ATF7IP: variants seen among roughly 807,000 people sequenced by gnomAD.
ATF7IP encodes activating transcription factor 7 interacting protein.
Under a neutral mutation model 106.4 loss-of-function variants are expected in ATF7IP, and 23 were observed. The ratio of observed to expected loss-of-function variants is 0.22; its 90% CI spans 0.16 to 0.31. ATF7IP has a LOEUF of 0.31. ATF7IP is among the 10% of genes least tolerant of loss of function. The probability of loss-of-function intolerance (pLI) is 1.00; values close to 1 mark genes in which losing one functional copy is unlikely to be tolerated. For missense variants in ATF7IP, 1,334 were observed against 1,524.3 expected (o/e 0.88, Z 2.08); for synonymous variants, 542 against 539.0 (o/e 1.01, Z -0.08).
intron 9 of ATF7IP, among the ~76,000 whole-genome samples, chr12:14,464,823 T>C (rs1365849436): frequency 6.6e-6 from 1 of 152,230 alleles, no homozygotes; most frequent in Non-Finnish European, 1.5e-5. Flanking sequence ...GAGAGAATCA[T>C]GCTGGGTAAC....
At chr12:14,475,457 AT>A (rs1399059085) in intron 10 of ATF7IP, among the ~76,000 whole-genome samples, 1 of 152,236 alleles carries the variant, frequency 6.6e-6, no homozygotes, top group Non-Finnish European at 1.5e-5. Flanking sequence ...ATTTCATAGT[AT>A]ACCATACCAT....
chr12:14,477,053 T>C (rs1025247462), intron 11 of ATF7IP, among the ~76,000 whole-genome samples: 26 of 152,306 alleles, frequency 1.7e-4, no homozygotes, highest in African/African-American at 6.0e-4. Flanking sequence ...TTTCTCAAAC[T>C]TACTTGGCTG....
Position 14,447,062 on chromosome 12 carries a change from T to G in ATF7IP, c.1995+9T>G. 6.3e-7 allele frequency: 1 copy of G among 1,587,692 alleles called. No individual in the cohort carries two copies. On this transcript the variant is annotated intron_variant, in intron 6 of 14. Transcript: ENST00000261168. ...TTAAGAAAAGACATGAAGTAAAATT[T>G]TTCTATTCTTGCATAATTAATATTT... is the stretch of plus-strand genomic sequence containing the variant.
intron 1 of ATF7IP, chr12:14,395,020 A>G (rs755452838): frequency 6.6e-6 from 1 of 151,756 alleles, no homozygotes; most frequent in Non-Finnish European, 1.5e-5. Flanking sequence ...AATGGGATGT[A>G]TGCTGCACAA....
At chr12:14,420,017 AT>A (rs1941411235) in intron 1 of ATF7IP, 1 of 152,180 alleles carries the variant, frequency 6.6e-6, no homozygotes, top group African/African-American at 2.4e-5. Flanking sequence ...TAGGCTTATT[AT>A]TTTATGCGCT....
At chr12:14,473,499 C>T (rs1944139080) in intron 10 of ATF7IP, among the ~76,000 whole-genome samples, 1 of 151,926 alleles carries the variant, frequency 6.6e-6, no homozygotes, top group Admixed American at 6.6e-5. Flanking sequence ...TGTTTTTAAT[C>T]TTCATGTTGT....
intron 13 of ATF7IP, among the ~76,000 whole-genome samples, chr12:14,489,457 A>T (rs1944734821): frequency 2.0e-5 from 3 of 152,114 alleles, no homozygotes. Context: ...AGCAGAACGT[A>T]ATGTCGCAGG....
chr12:14,407,401 A>G (rs774285005), intron 1 of ATF7IP, among the ~76,000 whole-genome samples: 1 of 150,180 alleles, frequency 6.7e-6, no homozygotes, highest in African/African-American at 2.5e-5. Context: ...TTATTTATCT[A>G]TTTATTTTTT....
At chr12:14,486,728 G>T (rs1261344843) in intron 13 of ATF7IP, among the ~76,000 whole-genome samples, 1 of 152,082 alleles carries the variant, frequency 6.6e-6, no homozygotes, top group Non-Finnish European at 1.5e-5. Context: ...CGGTAGCTAC[G>T]CCCACCTTGC....
At chr12:14,406,324 C>T (rs541018452) in intron 1 of ATF7IP, among the ~76,000 whole-genome samples, 1 of 151,992 alleles carries the variant, frequency 6.6e-6, no homozygotes, top group African/African-American at 2.4e-5. Context: ...GTGTCGAACT[C>T]CCAGCCTCAT....
At chr12:14,416,053 CTATT>C (rs1156553419) in intron 1 of ATF7IP, among the ~76,000 whole-genome samples, 1 of 152,044 alleles carries the variant, frequency 6.6e-6, no homozygotes, top group Non-Finnish European at 1.5e-5. Context: ...ATTCAGTAGT[CTATT>C]TAATGGGCAG....
At chr12:14,433,482 C>T (rs1275111377) in intron 2 of ATF7IP, among the ~76,000 whole-genome samples, 2 of 151,784 alleles carry the variant, frequency 1.3e-5, no homozygotes, top group African/African-American at 2.4e-5. Context: ...ACTAGCCTGG[C>T]GACAGAGTGA....
intron 6 of ATF7IP, among the ~76,000 whole-genome samples, chr12:14,455,947 G>A (rs1354466127): frequency 6.6e-6 from 1 of 152,056 alleles, no homozygotes; most frequent in African/African-American, 2.4e-5. Context: ...AATAATGATA[G>A]TTAATATGTA....
At chr12:14,481,923 C>CATATGTTACAT (rs11273235) in intron 13 of ATF7IP, 86,342 of 153,292 alleles carry the variant, frequency 0.56, 24,801 homozygotes, top group African/African-American at 0.67. Context: ...TAGTTACATA[C>CATATGTTACAT]ATATGTTACA....
At chr12:14,485,881 C>T (rs2136831714) in intron 13 of ATF7IP, among the ~76,000 whole-genome samples, 1 of 152,342 alleles carries the variant, frequency 6.6e-6, no homozygotes, top group East Asian at 1.9e-4. Context: ...TCTGCATAGG[C>T]CACATGGGAG....
At position 14,385,140 on chromosome 12, in the gene ATF7IP, C is replaced by T. The variant is rs80320334; in HGVS notation, c.-8+19313C>T. On this transcript the variant is annotated intron_variant, in intron 1 of 14. Transcript: ENST00000261168. ...TCTTTTTCTGTGTCCTGTGTAGCTG[C>T]ATTGTTTGTTGCAGTATATGCATTA... 795 of 408,106 alleles carry T rather than the reference C, an allele frequency of 1.9e-3. 13 individuals are homozygous for T. The highest frequency in any genetic ancestry group is 0.015 in the African/African-American group (735 of 49,006). 25.3% of individuals were successfully genotyped at this position (408,106 alleles called of 1,614,324 possible).
chr12:14,380,773 C>G (rs1357879379), intron 1 of ATF7IP, among the ~76,000 whole-genome samples: 1 of 152,190 alleles, frequency 6.6e-6, no homozygotes, highest in African/African-American at 2.4e-5. Flanking sequence ...GTGTGTGCCA[C>G]CACGCCCAGC....
At chr12:14,404,079 C>G (rs570452269) in intron 1 of ATF7IP, among the ~76,000 whole-genome samples, 3 of 150,988 alleles carry the variant, frequency 2.0e-5, no homozygotes, top group Non-Finnish European at 4.4e-5. Flanking sequence ...ATTGGTAATA[C>G]TAACCCTATC....
chr12:14,400,174 G>A (rs942145499), intron 1 of ATF7IP, among the ~76,000 whole-genome samples: 3 of 152,104 alleles, frequency 2.0e-5, no homozygotes, highest in Admixed American at 1.3e-4. Context: ...TATTTGTATC[G>A]CCTTGTCTCT....
Sources: allele counts gnomAD v4.1 joint callset (sites outside exome capture counted in the v4.1 genomes callset), GRCh38; gene constraint gnomAD v4.1.1; transcripts MANE v1.5; gene names NCBI Gene and HGNC (gene_info 2026-07-23, HGNC 2026-07-21).